Variants in CA10 observed in about 807,000 individuals in gnomAD.
CA10 encodes the protein carbonic anhydrase-related protein 10.
CA10 carries 14 observed loss-of-function variants against 44.2 expected under a neutral mutation model. The observed-to-expected ratio is 0.32, with a 90% CI of 0.21 to 0.50. CA10 has a LOEUF of 0.50. CA10 is among the 20% of genes least tolerant of loss of function. CA10 has a pLI of 0.99. For missense variants in CA10, 350 were observed against 409.7 expected (o/e 0.85, Z 1.26); for synonymous variants, 159 against 141.6 (o/e 1.12, Z -0.87).
intron 3 of CA10, among the ~76,000 whole-genome samples, chr17:51,781,426 T>C (rs1463023074): frequency 6.6e-6 from 1 of 152,196 alleles, no homozygotes; most frequent in East Asian, 1.9e-4. Context: ...CAAGGTGTTT[T>C]GTTTTTTCCA....
chr17:51,684,735 A>AC (rs1202741562), intron 4 of CA10, among the ~76,000 whole-genome samples: 2 of 152,220 alleles, frequency 1.3e-5, no homozygotes, highest in Non-Finnish European at 2.9e-5. Flanking sequence ...ATCCGGATCC[A>AC]CCACCTGGCC....
intron 3 of CA10, among the ~76,000 whole-genome samples, chr17:51,850,123 C>T (rs1057270672): frequency 6.6e-6 from 1 of 152,172 alleles, no homozygotes; most frequent in Admixed American, 6.5e-5. Context: ...ACTTTACATG[C>T]AGTTTAAGAG....
chr17:52,086,064 A>C (rs1467808588), intron 1 of CA10, among the ~76,000 whole-genome samples: 2 of 152,220 alleles, frequency 1.3e-5, no homozygotes, highest in Non-Finnish European at 2.9e-5. Flanking sequence ...AGAAAATATT[A>C]ATATTTAGAA....
chr17:51,842,301 A>G (rs375609771), intron 3 of CA10, among the ~76,000 whole-genome samples: 92 of 152,344 alleles, frequency 6.0e-4, no homozygotes, highest in African/African-American at 2.1e-3. Context: ...GAATAGGATC[A>G]GGCTCAAGAA....
intron 2 of CA10, among the ~76,000 whole-genome samples, chr17:52,015,641 G>A (rs1213290022): frequency 1.3e-5 from 2 of 152,104 alleles, no homozygotes; most frequent in Non-Finnish European, 2.9e-5. Context: ...TAAGCCTGTG[G>A]TACATAAAGT....
At chr17:51,841,041 A>G (rs1978315058) in intron 3 of CA10, among the ~76,000 whole-genome samples, 1 of 151,978 alleles carries the variant, frequency 6.6e-6, no homozygotes, top group African/African-American at 2.4e-5. Context: ...AACGGCCTTC[A>G]GTTTTATCAA....
At chr17:51,924,845 A>G (rs1053536363) in intron 3 of CA10, among the ~76,000 whole-genome samples, 61 of 152,172 alleles carry the variant, frequency 4.0e-4, no homozygotes, top group African/African-American at 1.4e-3. Flanking sequence ...AACATGTTCC[A>G]TGTCTCTTGC....
At position 51,820,414 on chromosome 17, in the gene CA10, CCCCCG is replaced by C. The variant is rs1328557512; in HGVS notation, c.280-72601_280-72597del. ...ACCTGGGGATTCCCCTACCCCCCCC[CCCCCG>C]CCCGCCGATTTTCCTGTACAAAGTT... On this transcript the variant is annotated intron_variant, in intron 3 of 8. Transcript: ENST00000451037. 2.5e-4 allele frequency among the ~76,000 whole-genome samples: 25 copies of C among 99,194 alleles called. 1 individual carries two copies. Among genetic ancestry groups the C allele is most frequent in the Middle Eastern group, 4.0e-3 (1 of 250 alleles). The allele number at this position is 99,194 out of a possible 152,430, so 65.1% of individuals were successfully genotyped here.
intron 4 of CA10, among the ~76,000 whole-genome samples, chr17:51,744,933 T>C (rs1240818204): frequency 1.3e-5 from 2 of 152,198 alleles, no homozygotes; most frequent in Non-Finnish European, 2.9e-5. Context: ...AGTTCGTCTA[T>C]AGACCCCTGA....
intron 3 of CA10, among the ~76,000 whole-genome samples, chr17:51,753,699 C>A (rs1241623545): frequency 6.6e-6 from 1 of 152,126 alleles, no homozygotes; most frequent in Non-Finnish European, 1.5e-5. Flanking sequence ...GGAAGGCCTC[C>A]CACAGGGCAT....
At chr17:51,642,735 C>T (rs1272573620) in intron 6 of CA10, among the ~76,000 whole-genome samples, 6 of 152,088 alleles carry the variant, frequency 3.9e-5, no homozygotes, top group African/African-American at 7.2e-5. Flanking sequence ...CTCCGCCTCC[C>T]AAGTTTCAGT....
At chr17:51,732,267 T>C (rs1203286815) in intron 4 of CA10, among the ~76,000 whole-genome samples, 1 of 152,230 alleles carries the variant, frequency 6.6e-6, no homozygotes, top group Non-Finnish European at 1.5e-5. Context: ...ACTGAGTCCC[T>C]GTGATGAGGA....
chr17:51,809,614 G>A (rs1022633449), intron 3 of CA10, among the ~76,000 whole-genome samples: 8 of 152,244 alleles, frequency 5.3e-5, no homozygotes, highest in African/African-American at 1.4e-4. Flanking sequence ...TACAGACGAC[G>A]GATGCTGCAG....
chr17:51,874,964 T>TC (rs5820884), intron 3 of CA10, among the ~76,000 whole-genome samples: 15,072 of 73,116 alleles, frequency 0.21, 1,030 homozygotes, highest in South Asian at 0.32. Context: ...TTTTTTCTTT[T>TC]TTTTCTTTTC....
At chr17:52,069,043 C>G (rs1292514809) in intron 2 of CA10, among the ~76,000 whole-genome samples, 2 of 152,160 alleles carry the variant, frequency 1.3e-5, no homozygotes, top group Admixed American at 6.5e-5. Flanking sequence ...AGGCAGAACT[C>G]CCTTTTTCTT....
intron 2 of CA10, among the ~76,000 whole-genome samples, chr17:51,952,333 C>T (rs907725389): frequency 2.0e-5 from 3 of 152,118 alleles, no homozygotes; most frequent in African/African-American, 7.2e-5. Flanking sequence ...TTTGCAACAA[C>T]CCTTTTTCCA....
At chr17:51,782,727 C>G (rs988426289) in intron 3 of CA10, among the ~76,000 whole-genome samples, 3 of 152,224 alleles carry the variant, frequency 2.0e-5, no homozygotes, top group Non-Finnish European at 4.4e-5. Context: ...GTCCTCCACT[C>G]TGGAAACTTG....
At chr17:52,009,300 G>A (rs2144132172) in intron 2 of CA10, among the ~76,000 whole-genome samples, 1 of 151,746 alleles carries the variant, frequency 6.6e-6, no homozygotes, top group East Asian at 2.0e-4. Flanking sequence ...TCTAAGACCA[G>A]GATCCATCTA....
At chr17:51,701,076 C>G (rs946929880) in intron 4 of CA10, among the ~76,000 whole-genome samples, 4 of 150,918 alleles carry the variant, frequency 2.7e-5, no homozygotes, top group Non-Finnish European at 4.4e-5. Flanking sequence ...TATCCCAGAA[C>G]TTAAAATTTA....
Sources: allele counts gnomAD v4.1 joint callset (sites outside exome capture counted in the v4.1 genomes callset), GRCh38; gene constraint gnomAD v4.1.1; transcripts MANE v1.5; gene names NCBI Gene and HGNC (gene_info 2026-07-23, HGNC 2026-07-21).